METTL22: variants seen among roughly 807,000 people sequenced by gnomAD.
The protein encoded by METTL22 is methyltransferase-like protein 22.
In METTL22, 51 loss-of-function variants were observed where a neutral mutation model predicts 48.4. The ratio of observed to expected loss-of-function variants is 1.05; its 90% CI spans 0.84 to 1.33. The LOEUF (loss-of-function observed/expected upper bound fraction) is 1.33, where lower values mean the gene tolerates loss of function less well. Ranked by LOEUF, METTL22 falls within the 40% of genes most tolerant of loss-of-function variation. The pLI is 0.00. For synonymous variants in METTL22, 255 were observed against 214.1 expected, an observed-to-expected ratio of 1.19 and a Z score of -1.67; for missense variants, 678 against 526.9, an observed-to-expected ratio of 1.29 and a Z score of -2.81.
chr16:8,639,188 G>A (rs746541676), intron 6 of METTL22, 26 bp downstream of exon 6: 10 of 1,612,322 alleles, frequency 6.2e-6, no homozygotes, highest in Non-Finnish European at 8.5e-6. Context: ...TCTTCTGCCA[G>A]GGAGGGAGGT....
chr16:8,628,124 A>G (rs2056124602), intron 2 of METTL22, among the ~76,000 whole-genome samples: 1 of 152,204 alleles, frequency 6.6e-6, no homozygotes, highest in South Asian at 2.1e-4. Context: ...CACAGAATGC[A>G]GTTTTACTAT....
chr16:8,639,176 G>A lies in METTL22; in HGVS notation c.772+14G>A. ...CTGCCACTGGAGGTGAGGCCCAGGG[G>A]GTCTTCTGCCAGGGAGGGAGGTTTC... is the stretch of plus-strand genomic sequence containing the variant. On this transcript the variant is annotated intron_variant, in intron 6 of 10. Coordinates refer to ENST00000381920, the MANE Select transcript of METTL22 (RefSeq NM_024109.4). The A allele has an allele frequency of 6.2e-7, 1 of 1,613,618 alleles. No homozygotes were observed.
At chr16:8,643,845 C>G (rs1024504153) in intron 9 of METTL22, among the ~76,000 whole-genome samples, 1 of 152,138 alleles carries the variant, frequency 6.6e-6, no homozygotes, top group Non-Finnish European at 1.5e-5. Context: ...AACTCCTGAC[C>G]TCAGGTGATC....
the METTL22 span, among the ~76,000 whole-genome samples, chr16:8,662,591 C>A: frequency 1.4e-5 from 2 of 144,372 alleles, no homozygotes; most frequent in African/African-American, 5.2e-5. Context: ...GATGCATGGA[C>A]TGGTGGTGGA....
chr16:8,623,312 G>GAA (rs567766667), intron 1 of METTL22, among the ~76,000 whole-genome samples: 13 of 119,470 alleles, frequency 1.1e-4, no homozygotes, highest in African/African-American at 3.0e-4. Context: ...CTCTGTCTCA[G>GAA]AAAAAAAAAA....
chr16:8,646,796 C>T lies in METTL22; in HGVS notation c.*653C>T, dbSNP rs1641073. On this transcript the variant is annotated 3_prime_UTR_variant, in exon 11 of 11. Coordinates refer to ENST00000381920, the MANE Select transcript of METTL22 (RefSeq NM_024109.4). ...GACCAGGGTTTGTGCAGTGATCTTC[C>T]TCAGAGGTGTTCCCTTCCGCCTGGA... 0.99 allele frequency: 405,820 copies of T among 408,226 alleles called. 201,763 individuals carry two copies. The highest frequency in any genetic ancestry group is 1 in the South Asian group (56,162 of 56,166). 25.3% of individuals were successfully genotyped at this position (408,226 alleles called of 1,614,324 possible). A position where few individuals can be genotyped will look rare whatever the true frequency, so the allele number is the denominator to read the frequency against.
chr16:8,650,869 A>G (rs1292911970), downstream of METTL22, among the ~76,000 whole-genome samples: 2 of 152,146 alleles, frequency 1.3e-5, no homozygotes, highest in African/African-American at 4.8e-5. Context: ...TACTAAAAAT[A>G]CAAAAAAATA....
chr16:8,622,644 A>G (rs751284684), intron 1 of METTL22, among the ~76,000 whole-genome samples: 8 of 152,214 alleles, frequency 5.3e-5, no homozygotes, highest in Admixed American at 3.9e-4. Context: ...TTATATTACT[A>G]TAATGATAGT....
At chr16:8,633,964 A>G (rs1044662312) in intron 3 of METTL22, among the ~76,000 whole-genome samples, 1 of 152,256 alleles carries the variant, frequency 6.6e-6, no homozygotes, top group Non-Finnish European at 1.5e-5. Flanking sequence ...GGAACTTTGC[A>G]TCAGGTGGTT....
chr16:8,631,530 C>CAAAG (rs1162970134), intron 3 of METTL22: 1 of 152,222 alleles, frequency 6.6e-6, no homozygotes, highest in African/African-American at 2.4e-5. Flanking sequence ...ACAGCACATA[C>CAAAG]AAAGCTCTTA....
intron 2 of METTL22, among the ~76,000 whole-genome samples, chr16:8,626,815 A>G (rs182606528): frequency 0.04 from 4,181 of 104,134 alleles, 106 homozygotes; most frequent in Middle Eastern, 0.13. Context: ...CCCAGGCTGG[A>G]GTGCAGTGGC....
intron 6 of METTL22, among the ~76,000 whole-genome samples, chr16:8,640,213 G>A (rs2056553931): frequency 6.6e-6 from 1 of 152,208 alleles, no homozygotes; most frequent in Non-Finnish European, 1.5e-5. Context: ...GGGTACAGTA[G>A]GCAGTCAGCA....
chr16:8,644,890 G>A, intron 10 of METTL22, 165 bp downstream of exon 10: 1 of 693,710 alleles, frequency 1.4e-6, no homozygotes, highest in Non-Finnish European at 2.2e-6. Context: ...ACCTGTTGGG[G>A]GAGCTACATC....
At chr16:8,644,254 C>T (rs1238824919) in intron 9 of METTL22, among the ~76,000 whole-genome samples, 2 of 152,168 alleles carry the variant, frequency 1.3e-5, no homozygotes, top group South Asian at 2.1e-4. Flanking sequence ...ACCTGGAGGG[C>T]GTCCTCAAGT....
At chr16:8,624,127 C>T (rs1036259118) in intron 1 of METTL22, 2 of 152,188 alleles carry the variant, frequency 1.3e-5, no homozygotes, top group Admixed American at 1.3e-4. Context: ...AGGTGAGAAA[C>T]CAGGGATCCC....
At chr16:8,651,020 C>CA (rs1453430046), downstream of METTL22, among the ~76,000 whole-genome samples, 5 of 151,106 alleles carry the variant, frequency 3.3e-5, no homozygotes, top group African/African-American at 1.2e-4. Context: ...GACTCCGTCT[C>CA]AAAAAATAAT....
At chr16:8,661,575 G>C in the METTL22 span, among the ~76,000 whole-genome samples, 1 of 134,624 alleles carries the variant, frequency 7.4e-6, no homozygotes, top group African/African-American at 2.9e-5. Context: ...AACCCAGGAG[G>C]CTGAGCTTGC....
At chr16:8,658,005 C>CG in the METTL22 span, among the ~76,000 whole-genome samples, 4 of 152,048 alleles carry the variant, frequency 2.6e-5, no homozygotes, top group Non-Finnish European at 5.9e-5. Flanking sequence ...TTAGCAGAGA[C>CG]GGGGTTTCAC....
At chr16:8,641,721 A>G in intron 7 of METTL22, 1 of 392,972 alleles carries the variant, frequency 2.5e-6, no homozygotes, top group Non-Finnish European at 4.8e-6. Flanking sequence ...CACTTTGCGC[A>G]CCGTAGGCCC....
Sources: gnomAD v4.1 joint callset for allele counts (sites outside exome capture counted in the v4.1 genomes callset) on GRCh38, gnomAD v4.1.1 for gene constraint, MANE v1.5 for transcripts, NCBI Gene and HGNC (gene_info 2026-07-23, HGNC 2026-07-21) for gene names.